The following SERPINE3 variants were observed in gnomAD, a reference collection of about 807,000 sequenced individuals.
The protein encoded by SERPINE3 is serpin family E member 3, also known as serpin E3.
SERPINE3 carries 43 observed loss-of-function variants against 41.7 expected under a neutral mutation model. The observed-to-expected ratio is 1.03, with a 90% CI of 0.81 to 1.33. The LOEUF is 1.33. SERPINE3 is among the 40% of genes most tolerant of loss of function. SERPINE3 has a pLI of 0.00. For synonymous variants in SERPINE3, 200 were observed against 192.2 expected (o/e 1.04, Z -0.34); for missense variants, 440 against 491.7 (o/e 0.89, Z 0.99).
At chr13:51,346,369 C>T (rs766411060) in intron 4 of SERPINE3, among the ~76,000 whole-genome samples, 2 of 152,164 alleles carry the variant, frequency 1.3e-5, no homozygotes, top group African/African-American at 4.8e-5. Flanking sequence ...ACAGCACATA[C>T]TCCTTCCAAG....
intron 4 of SERPINE3, among the ~76,000 whole-genome samples, chr13:51,346,267 T>C (rs1955344666): frequency 2.6e-5 from 4 of 152,302 alleles, no homozygotes; most frequent in Non-Finnish European, 4.4e-5. Flanking sequence ...ATACCTTGAA[T>C]ATTGTTTTCT....
At position 51,341,304 on chromosome 13, in the gene SERPINE3, C is replaced by A. The variant is rs114834099; in HGVS notation, c.213C>A (p.Ser71Arg). 2.3e-4 allele frequency: 366 copies of A among 1,612,302 alleles called. 2 individuals carry two copies. In the African/African-American group the frequency reaches 4.0e-3, roughly 18 times the overall value. Residue 71 changes from serine to arginine, a missense_variant, in exon 3 of 10, where the codon AGC (serine) becomes AGA (arginine). By Grantham distance (110) the Ser-to-Arg change is moderately radical. Coordinates refer to ENST00000681248, the MANE Select transcript of SERPINE3 (RefSeq NM_001386375.1). Reference sequence around the variant, plus strand: ...TCCTGCAGTTTGGAGCAGAAGGGAGCACTGGTCAGCAGCTGGCAGATGCCC... The same window carrying A: ...TCCTGCAGTTTGGAGCAGAAGGGAGAACTGGTCAGCAGCTGGCAGATGCCC... ...LEILQFGAEG[S>R]TGQQLADALG...
intron 4 of SERPINE3, among the ~76,000 whole-genome samples, chr13:51,345,363 G>A (rs991410624): frequency 3.3e-5 from 5 of 152,104 alleles, no homozygotes; most frequent in African/African-American, 9.7e-5. Context: ...GGGATGCCAA[G>A]GCGGGCAGAT....
At chr13:51,352,941 T>C (rs1296728781) in intron 6 of SERPINE3, among the ~76,000 whole-genome samples, 3 of 152,204 alleles carry the variant, frequency 2.0e-5, no homozygotes, top group African/African-American at 4.8e-5. Context: ...TTTGCATTCC[T>C]GGGATAAATC....
intron 9 of SERPINE3, 185 bp from the exon 10 acceptor site, chr13:51,364,054 T>C (rs1013528780): frequency 3.7e-5 from 14 of 378,788 alleles, no homozygotes; most frequent in Admixed American, 3.6e-4. Flanking sequence ...GAACAGACAA[T>C]ATATTCTGGA....
rs115472330 is a variant in SERPINE3, at chr13:51,358,378, G to A, written c.1001-2900G>A. ...TGTTGGGACACAATGTTTATACAAC[G>A]TCATGTTTTGAAGACTTTTAACCTT... On this transcript the variant is annotated intron_variant, in intron 7 of 9. Coordinates refer to ENST00000681248, the MANE Select transcript of SERPINE3 (RefSeq NM_001386375.1). 8.5e-3 allele frequency among the ~76,000 whole-genome samples: 1,287 copies of A among 152,244 alleles called. 16 individuals are homozygous for A. Among genetic ancestry groups the A allele is most frequent in the African/African-American group, 0.029 (1,184 of 41,538 alleles).
At chr13:51,360,616 CAT>C (rs1382305008) in intron 7 of SERPINE3, among the ~76,000 whole-genome samples, 1 of 152,042 alleles carries the variant, frequency 6.6e-6, no homozygotes, top group Non-Finnish European at 1.5e-5. Context: ...ACTGTTAGCA[CAT>C]AGAACATTTA....
At chr13:51,361,764 A>T (rs770604696) in intron 8 of SERPINE3, 46 bp from the exon 9 acceptor site, 21 of 1,512,586 alleles carry the variant, frequency 1.4e-5, no homozygotes, top group Non-Finnish European at 1.8e-5. Context: ...TTATTTTCTT[A>T]AAAATGCACA....
At chr13:51,364,210 T>G in intron 9 of SERPINE3, 29 bp from the exon 10 acceptor site, 1 of 1,212,038 alleles carries the variant, frequency 8.3e-7, no homozygotes, top group South Asian at 1.4e-5. Context: ...AAATACTATA[T>G]AATATTAAAT....
At position 51,341,078 on chromosome 13, in the gene SERPINE3, C is replaced by A. The variant is rs747972173; in HGVS notation, c.-14C>A. On this transcript the variant is annotated 5_prime_UTR_variant, in exon 3 of 10. Transcript: ENST00000681248. ...ATCTCTTCCCTCTGAATTGCAGGAACCCTCCCAGCCTCCATGCCGCCTTTC... is the reference window on the plus strand; with the variant it reads ...ATCTCTTCCCTCTGAATTGCAGGAAACCTCCCAGCCTCCATGCCGCCTTTC... 1 of 1,611,498 alleles carries A rather than the reference C, an allele frequency of 6.2e-7. No homozygotes were observed. The highest frequency in any genetic ancestry group is 8.5e-7 in the Non-Finnish European group (1 of 1,178,260).
At position 51,344,456 on chromosome 13, in the gene SERPINE3, C is replaced by T. The variant is rs1228274281; in HGVS notation, c.461C>T (p.Thr154Ile). ...GAGCCCAATAGCACCGCCATCCAGA[C>T]TAGCGAAGGGGCCTCCAGAGAGACT... ...LSEPNSTAIQ[T>I]SEGASRETAG... The change falls in exon 4 of 10, where the codon ACT becomes ATT. Residue 154 changes from threonine (T) to isoleucine (I), a missense_variant. Thr to Ile is a moderately conservative substitution (Grantham distance 89). Transcript: ENST00000681248. The T allele has an allele frequency of 1.3e-6, 2 of 1,598,996 alleles. No individual in the cohort carries two copies. Among genetic ancestry groups the T allele is most frequent in the African/African-American group, 2.7e-5 (2 of 74,684 alleles).
At chr13:51,363,220 C>G (rs982178370) in intron 9 of SERPINE3, 3 of 151,874 alleles carry the variant, frequency 2.0e-5, no homozygotes, top group African/African-American at 7.2e-5. Context: ...AAAAGACACA[C>G]CACTATTTCA....
At chr13:51,359,531 G>C (rs1392278410) in intron 7 of SERPINE3, among the ~76,000 whole-genome samples, 1 of 152,052 alleles carries the variant, frequency 6.6e-6, no homozygotes, top group African/African-American at 2.4e-5. Context: ...TTCAGTTGCA[G>C]TTTCAAAATA....
At chr13:51,363,361 A>G (rs551993641) in intron 9 of SERPINE3, 1 of 152,068 alleles carries the variant, frequency 6.6e-6, no homozygotes, top group East Asian at 1.9e-4. Flanking sequence ...GCATTAGCCT[A>G]CATCACACAA....
chr13:51,360,466 A>G (rs1566197326), intron 7 of SERPINE3, among the ~76,000 whole-genome samples: 2 of 152,022 alleles, frequency 1.3e-5, no homozygotes, highest in African/African-American at 2.4e-5. Flanking sequence ...CTGGTTCTAA[A>G]TCTTTCATTT....
intron 7 of SERPINE3, among the ~76,000 whole-genome samples, chr13:51,358,383 G>A (rs1955513661): frequency 6.6e-6 from 1 of 152,274 alleles, no homozygotes; most frequent in African/African-American, 2.4e-5. Flanking sequence ...ACAACGTCAT[G>A]TTTTGAAGAC....
intron 4 of SERPINE3, among the ~76,000 whole-genome samples, chr13:51,345,990 T>C (rs1349897010): frequency 1.3e-5 from 2 of 152,160 alleles, no homozygotes; most frequent in Non-Finnish European, 2.9e-5. Flanking sequence ...GGTAACTGGG[T>C]GGATGGTGGC....
chr13:51,358,990 C>A (rs947305389), intron 7 of SERPINE3, among the ~76,000 whole-genome samples: 11 of 152,174 alleles, frequency 7.2e-5, no homozygotes, highest in African/African-American at 2.6e-4. Flanking sequence ...TAAAAGTTAG[C>A]AGATTAGCAG....
chr13:51,356,918 T>C (rs1955489708), intron 7 of SERPINE3, among the ~76,000 whole-genome samples: 1 of 152,142 alleles, frequency 6.6e-6, no homozygotes. Flanking sequence ...CATTCACATT[T>C]CCTACTGACA....
Sources: gnomAD v4.1 joint callset for allele counts (sites outside exome capture counted in the v4.1 genomes callset) on GRCh38, gnomAD v4.1.1 for gene constraint, MANE v1.5 for transcripts, NCBI Gene and HGNC (gene_info 2026-07-23, HGNC 2026-07-21) for gene names.